Variants in BANK1 observed in about 807,000 individuals in gnomAD.
BANK1 encodes B cell scaffold protein with ankyrin repeats 1, also known as B-cell scaffold protein with ankyrin repeats.
BANK1 carries 95 observed loss-of-function variants against 94.5 expected under a neutral mutation model. The observed-to-expected ratio is 1.00, with a 90% confidence interval of 0.85 to 1.19. BANK1 has a LOEUF of 1.19. Among genes scored for constraint, BANK1 ranks in the 50% most tolerant of loss-of-function variants. The pLI is 0.00. For synonymous variants in BANK1, 334 were observed against 308.4 expected (o/e 1.08, Z -0.87); for missense variants, 987 against 932.2 (o/e 1.06, Z -0.77).
chr4:102,055,583 A>G (rs1473079026), intron 11 of BANK1, among the ~76,000 whole-genome samples: 4 of 152,090 alleles, frequency 2.6e-5, no homozygotes, highest in African/African-American at 9.6e-5. Flanking sequence ...TACATGCCAG[A>G]AAACCTGAAA....
intron 5 of BANK1, among the ~76,000 whole-genome samples, chr4:101,882,862 A>G (rs1030374360): frequency 2.0e-5 from 3 of 150,702 alleles, no homozygotes; most frequent in African/African-American, 7.5e-5. Flanking sequence ...TTTCACTTTT[A>G]TTTGCATTTC....
At chr4:101,807,609 GTT>G (rs1725599748) in intron 1 of BANK1, among the ~76,000 whole-genome samples, 1 of 152,192 alleles carries the variant, frequency 6.6e-6, no homozygotes, top group Admixed American at 6.5e-5. Flanking sequence ...TTGAAACAAA[GTT>G]TTGTTAGCAG....
At chr4:101,880,110 A>G (rs980494867) in intron 5 of BANK1, among the ~76,000 whole-genome samples, 1 of 152,130 alleles carries the variant, frequency 6.6e-6, no homozygotes, top group East Asian at 1.9e-4. Context: ...GAAAAGAAAT[A>G]AATAAAGGCA....
intron 13 of BANK1, among the ~76,000 whole-genome samples, chr4:102,068,788 A>G (rs898107514): frequency 4.6e-5 from 7 of 151,650 alleles, no homozygotes; most frequent in Non-Finnish European, 8.8e-5. Context: ...AGATTTCTCC[A>G]CTGCACTCCA....
chr4:101,885,485 C>T (rs887903453), intron 5 of BANK1, among the ~76,000 whole-genome samples: 1 of 152,178 alleles, frequency 6.6e-6, no homozygotes, highest in African/African-American at 2.4e-5. Context: ...AAGTACTTTT[C>T]CAGTTCCCCC....
chr4:101,989,639 C>CT (rs920234049), intron 7 of BANK1, among the ~76,000 whole-genome samples: 18 of 147,502 alleles, frequency 1.2e-4, no homozygotes, highest in Non-Finnish European at 1.4e-4. Context: ...TCTGGGACAG[C>CT]TTTTTTTTTT....
At chr4:101,936,396 T>C (rs1347595805) in intron 7 of BANK1, among the ~76,000 whole-genome samples, 2 of 150,252 alleles carry the variant, frequency 1.3e-5, no homozygotes, top group Admixed American at 1.3e-4. Flanking sequence ...TACATGCATG[T>C]ATATATGTGC....
At chr4:101,898,633 A>G (rs1454296475) in intron 6 of BANK1, among the ~76,000 whole-genome samples, 1 of 152,080 alleles carries the variant, frequency 6.6e-6, no homozygotes, top group Non-Finnish European at 1.5e-5. Context: ...ACCTGCAGAT[A>G]CCTATGGTTC....
At chr4:101,836,713 T>G (rs558278296) in intron 2 of BANK1, among the ~76,000 whole-genome samples, 1 of 152,270 alleles carries the variant, frequency 6.6e-6, no homozygotes, top group South Asian at 2.1e-4. Context: ...TGAGGAAATA[T>G]CAGACAAATC....
intron 7 of BANK1, among the ~76,000 whole-genome samples, chr4:101,944,404 CA>C (rs921672850): frequency 2.6e-5 from 4 of 151,840 alleles, no homozygotes; most frequent in African/African-American, 4.8e-5. Flanking sequence ...TTAGGATGTT[CA>C]CCCCTGTTTC....
At position 102,065,486 on chromosome 4, in the gene BANK1, G is replaced by A. The variant is rs10011262; in HGVS notation, c.2212+2348G>A. 1.1e-3 allele frequency among the ~76,000 whole-genome samples: 172 copies of A among 152,080 alleles called. 1 individual carries two copies. Among genetic ancestry groups the A allele is most frequent in the African/African-American group, 3.8e-3 (159 of 41,482 alleles). Reference sequence around the variant, plus strand: ...CATCAGAAGAATATTCTAGAATCCAGAATATACAACACATTATCTATAATG... The same window carrying A: ...CATCAGAAGAATATTCTAGAATCCAAAATATACAACACATTATCTATAATG... On this transcript the variant is annotated intron_variant, in intron 13 of 16. Coordinates refer to ENST00000322953, the MANE Select transcript of BANK1 (RefSeq NM_017935.5).
At chr4:101,846,588 A>G (rs1727255163) in intron 2 of BANK1, among the ~76,000 whole-genome samples, 1 of 152,248 alleles carries the variant, frequency 6.6e-6, no homozygotes, top group Non-Finnish European at 1.5e-5. Flanking sequence ...AGAAGGCCTC[A>G]GGAAACTTAA....
At chr4:102,069,242 T>C (rs781407753) in intron 13 of BANK1, among the ~76,000 whole-genome samples, 1 of 152,226 alleles carries the variant, frequency 6.6e-6, no homozygotes, top group African/African-American at 2.4e-5. Context: ...TATAGTTGTA[T>C]GTACAAGTAT....
intron 7 of BANK1, among the ~76,000 whole-genome samples, chr4:101,995,112 T>C (rs1318226870): frequency 1.3e-5 from 2 of 151,796 alleles, no homozygotes; most frequent in Admixed American, 6.6e-5. Flanking sequence ...CCCCACCACC[T>C]GACAGGCCCT....
At chr4:101,806,914 A>G (rs1255092567) in intron 1 of BANK1, among the ~76,000 whole-genome samples, 1 of 152,220 alleles carries the variant, frequency 6.6e-6, no homozygotes, top group Non-Finnish European at 1.5e-5. Context: ...AACAAGTTGA[A>G]CAGCTCTATT....
chr4:101,908,248 A>G (rs1380399603), intron 6 of BANK1, among the ~76,000 whole-genome samples: 1 of 152,154 alleles, frequency 6.6e-6, no homozygotes, highest in Non-Finnish European at 1.5e-5. Context: ...CAGAAATAAG[A>G]CCACACATCT....
At chr4:101,883,393 T>C (rs1237214893) in intron 5 of BANK1, among the ~76,000 whole-genome samples, 1 of 152,230 alleles carries the variant, frequency 6.6e-6, no homozygotes, top group East Asian at 1.9e-4. Context: ...TTCTCTACAA[T>C]TTTTTAAATC....
intron 7 of BANK1, among the ~76,000 whole-genome samples, chr4:101,987,065 T>C (rs2148930212): frequency 6.6e-6 from 1 of 150,548 alleles, no homozygotes; most frequent in Admixed American, 6.6e-5. Context: ...CCCAACCAAT[T>C]AGAGACAAAA....
Position 101,864,240 on chromosome 4 carries a change from T to C in BANK1, c.763+1576T>C, listed in dbSNP as rs1020527473. 3.9e-5 allele frequency among the ~76,000 whole-genome samples: 6 copies of C among 152,190 alleles called. No homozygotes were observed. In the South Asian group the frequency reaches 8.3e-4, roughly 21 times the overall value. On this transcript the variant is annotated intron_variant, in intron 4 of 16. Coordinates refer to ENST00000322953, the MANE Select transcript of BANK1 (RefSeq NM_017935.5). ...AAATGTTGGCTGCTTTGTAGCAATA[T>C]TCAAGATGGTTACCTGAACCTGTTT...
Sources: allele counts gnomAD v4.1 joint callset (sites outside exome capture counted in the v4.1 genomes callset), GRCh38; gene constraint gnomAD v4.1.1; transcripts MANE v1.5; gene names NCBI Gene and HGNC (gene_info 2026-07-23, HGNC 2026-07-21).